Variants in LY96 observed in about 807,000 individuals in gnomAD.
The protein encoded by LY96 is myeloid differentiation protein-2.
In LY96, 18 loss-of-function variants were observed where a neutral mutation model predicts 18.9. That is an observed-to-expected ratio of 0.95 (90% CI 0.66 to 1.41). The LOEUF (loss-of-function observed/expected upper bound fraction) is 1.41. Ranked by LOEUF, LY96 falls within the 40% of genes most tolerant of loss-of-function variation. The probability of loss-of-function intolerance (pLI) is 0.00; values close to 1 mark genes in which losing one functional copy is unlikely to be tolerated. For missense variants in LY96, 175 were observed against 182.4 expected, an observed-to-expected ratio of 0.96 and a Z score of 0.23; for synonymous variants, 66 against 62.6, an observed-to-expected ratio of 1.06 and a Z score of -0.26.
the LY96 span, among the ~76,000 whole-genome samples, chr8:74,043,413 C>T: frequency 5.9e-5 from 9 of 152,228 alleles, no homozygotes; most frequent in Admixed American, 2.6e-4. Context: ...AGGTAAGATG[C>T]GAGCTTAGAC....
At chr8:74,057,555 A>G in the LY96 span, among the ~76,000 whole-genome samples, 149 of 152,312 alleles carry the variant, frequency 9.8e-4, no homozygotes, top group African/African-American at 3.4e-3. Flanking sequence ...CTTCAAACAC[A>G]GCCATGTCTC....
chr8:74,065,481 G>C, the LY96 span, among the ~76,000 whole-genome samples: 1 of 152,190 alleles, frequency 6.6e-6, no homozygotes, highest in African/African-American at 2.4e-5. Context: ...ATGAGGAAAA[G>C]AAATAAAAGA....
the LY96 span, among the ~76,000 whole-genome samples, chr8:74,059,097 A>G: frequency 6.6e-6 from 1 of 152,208 alleles, no homozygotes; most frequent in Admixed American, 6.5e-5. Flanking sequence ...TACTCAGTCC[A>G]CCAATTCGAG....
At chr8:74,084,222 G>T in the LY96 span, among the ~76,000 whole-genome samples, 2 of 152,136 alleles carry the variant, frequency 1.3e-5, no homozygotes, top group Non-Finnish European at 2.9e-5. Context: ...CTCATAGGTG[G>T]TAGTGTGTGT....
At chr8:74,030,476 G>C (rs1816951893), downstream of LY96, among the ~76,000 whole-genome samples, 1 of 152,252 alleles carries the variant, frequency 6.6e-6, no homozygotes, top group African/African-American at 2.4e-5. Context: ...TTGTGCCACT[G>C]CACTCCAGCC....
At chr8:74,079,332 T>G in the LY96 span, among the ~76,000 whole-genome samples, 1 of 152,220 alleles carries the variant, frequency 6.6e-6, no homozygotes, top group Non-Finnish European at 1.5e-5. Context: ...GACCAAAATT[T>G]CATAATAAAT....
At chr8:74,088,786 G>A in the LY96 span, among the ~76,000 whole-genome samples, 1 of 152,090 alleles carries the variant, frequency 6.6e-6, no homozygotes, top group African/African-American at 2.4e-5. Context: ...GGGTTTCACA[G>A]TGTTGGCCAG....
intron 3 of LY96, among the ~76,000 whole-genome samples, chr8:74,023,573 C>T (rs75084868): frequency 0.024 from 3,679 of 152,188 alleles, 126 homozygotes; most frequent in Admixed American, 0.08. Flanking sequence ...AGCCCCCAGT[C>T]GTGGAGGAGC....
At chr8:74,030,971 G>A (rs949888128), downstream of LY96, among the ~76,000 whole-genome samples, 1 of 152,204 alleles carries the variant, frequency 6.6e-6, no homozygotes, top group Non-Finnish European at 1.5e-5. Flanking sequence ...GGCCCTGTTT[G>A]AACCAGCTTA....
At chr8:74,041,381 A>G in the LY96 span, among the ~76,000 whole-genome samples, 3 of 152,222 alleles carry the variant, frequency 2.0e-5, no homozygotes, top group Non-Finnish European at 4.4e-5. Flanking sequence ...AAATCAGTGC[A>G]CCTTGAAAAA....
the LY96 span, among the ~76,000 whole-genome samples, chr8:74,040,639 A>G: frequency 2.7e-5 from 4 of 150,718 alleles, no homozygotes; most frequent in South Asian, 6.3e-4. Context: ...AATCAGTTCA[A>G]TGTAGATGTA....
At chr8:74,042,870 G>T in the LY96 span, among the ~76,000 whole-genome samples, 2 of 151,238 alleles carry the variant, frequency 1.3e-5, no homozygotes, top group South Asian at 4.2e-4. Context: ...TCCACTTCCC[G>T]TGTTCAAGAG....
chr8:73,998,744 G>C (rs1816201511), intron 1 of LY96, among the ~76,000 whole-genome samples: 2 of 152,118 alleles, frequency 1.3e-5, no homozygotes, highest in South Asian at 4.1e-4. Flanking sequence ...TTCAAATCTG[G>C]ATCTGTAGGA....
the LY96 span, among the ~76,000 whole-genome samples, chr8:74,054,634 T>TTCTG: frequency 8.0e-6 from 1 of 125,434 alleles, no homozygotes; most frequent in Non-Finnish European, 1.6e-5. Context: ...CTTTCTTTCT[T>TTCTG]TCTTTCTTTC....
At chr8:74,085,493 C>G in the LY96 span, among the ~76,000 whole-genome samples, 1 of 152,218 alleles carries the variant, frequency 6.6e-6, no homozygotes, top group East Asian at 1.9e-4. Context: ...CAATCACCCA[C>G]GAAACCAAAG....
intron 3 of LY96, among the ~76,000 whole-genome samples, chr8:74,014,499 T>C (rs1816601682): frequency 6.6e-6 from 1 of 151,402 alleles, no homozygotes; most frequent in Admixed American, 6.6e-5. Context: ...TTTTTTTTTT[T>C]TTTTAAAGGG....
chr8:74,093,575 G>C, the LY96 span, among the ~76,000 whole-genome samples: 1 of 152,156 alleles, frequency 6.6e-6, no homozygotes, highest in Non-Finnish European at 1.5e-5. Context: ...TTCCAGGATC[G>C]GAGGTGGTGT....
chr8:74,073,821 C>A, the LY96 span, among the ~76,000 whole-genome samples: 6 of 151,110 alleles, frequency 4.0e-5, no homozygotes, highest in African/African-American at 1.5e-4. Context: ...CCACGCCTGG[C>A]TAATATTTGT....
chr8:73,991,482 A>G lies in LY96; in HGVS notation c.40A>G (p.Ile14Val). ...FLFFSTLFSS[I>V]FTEAQKQYWV... ...GTTTTTTTCCACCCTGTTTTCTTCC[A>G]TATTTACTGAAGCTCAGAAGCAGTA... The change falls in exon 1 of 5, where the codon ATA becomes GTA. Residue 14 changes from isoleucine (I) to valine (V), a missense_variant. Physicochemically the swap from Ile to Val is conservative, Grantham distance 29 (BLOSUM62 3). Coordinates refer to ENST00000284818, the MANE Select transcript of LY96 (RefSeq NM_015364.5). The G allele has an allele frequency of 6.2e-7, 1 of 1,613,146 alleles. No homozygotes were observed. Among genetic ancestry groups the G allele is most frequent in the Non-Finnish European group, 8.5e-7 (1 of 1,179,176 alleles).
Sources: gnomAD v4.1 joint callset for allele counts (sites outside exome capture counted in the v4.1 genomes callset) on GRCh38, gnomAD v4.1.1 for gene constraint, MANE v1.5 for transcripts, NCBI Gene and HGNC (gene_info 2026-07-23, HGNC 2026-07-21) for gene names.